WDFY3: variants seen among roughly 807,000 people sequenced by gnomAD.
The protein encoded by WDFY3 is WD repeat and FYVE domain-containing protein 3.
In WDFY3, 66 loss-of-function variants were observed where a neutral mutation model predicts 409.6. That is an observed-to-expected ratio of 0.16 (90% confidence interval 0.13 to 0.20). The LOEUF (loss-of-function observed/expected upper bound fraction) is 0.20, where lower values mean the gene tolerates loss of function less well. WDFY3 is among the 10% of genes least tolerant of loss of function. WDFY3 has a pLI of 1.00. For synonymous variants in WDFY3, 1,521 were observed against 1,537.1 expected (o/e 0.99, Z 0.25); for missense variants, 3,031 against 4,298.1 (o/e 0.71, Z 8.24).
chr4:84,719,263 C>T (rs1270344755), intron 47 of WDFY3, among the ~76,000 whole-genome samples: 6 of 152,182 alleles, frequency 3.9e-5, no homozygotes, highest in African/African-American at 1.4e-4. Flanking sequence ...CTGGAGACTA[C>T]TGTACTATTG....
intron 4 of WDFY3, 131 bp from the exon 5 acceptor site, chr4:84,850,156 AAT>A: frequency 1.1e-6 from 1 of 906,432 alleles, no homozygotes; most frequent in East Asian, 2.8e-5. Flanking sequence ...TTTGAATCTT[AAT>A]ATGTTGAAAA....
At chr4:84,944,399 G>A (rs367772030) in intron 1 of WDFY3, among the ~76,000 whole-genome samples, 1 of 152,268 alleles carries the variant, frequency 6.6e-6, no homozygotes, top group Admixed American at 6.5e-5. Flanking sequence ...GGGCATGGTG[G>A]CGCACACCTG....
At chr4:84,956,100 T>G (rs1026216161) in intron 1 of WDFY3, among the ~76,000 whole-genome samples, 2 of 152,202 alleles carry the variant, frequency 1.3e-5, no homozygotes, top group African/African-American at 4.8e-5. Context: ...GTTGGCCTCC[T>G]TTAAGTCTAT....
chr4:84,960,385 G>A lies in WDFY3; in HGVS notation c.-226+5824C>T, dbSNP rs182073866. On this transcript the variant is annotated intron_variant, in intron 1 of 67. Transcript: ENST00000295888. ...CCTACCTACAGCATCCACACCTCACGTATGTGATACCCTATTCAACAGTCT... is the reference window on the plus strand; with the variant it reads ...CCTACCTACAGCATCCACACCTCACATATGTGATACCCTATTCAACAGTCT... Among the ~76,000 whole-genome samples the A allele has an allele frequency of 3.3e-5, 5 of 152,162 alleles. No homozygotes were observed. In the East Asian group the frequency reaches 5.8e-4, roughly 18 times the overall value.
At chr4:84,717,802 A>G (rs1000518358) in intron 48 of WDFY3, among the ~76,000 whole-genome samples, 1 of 152,082 alleles carries the variant, frequency 6.6e-6, no homozygotes, top group Non-Finnish European at 1.5e-5. Flanking sequence ...TAATCCCAAC[A>G]CTTTGGGAGG....
Position 84,829,237 on chromosome 4 carries a change from G to A in WDFY3, c.770-47C>T, listed in dbSNP as rs372930926. The A allele has an allele frequency of 2.7e-4, 382 of 1,429,072 alleles. 1 individual carries two copies. Among genetic ancestry groups the A allele is most frequent in the Non-Finnish European group, 3.0e-4 (320 of 1,075,568 alleles). The allele number at this position is 1,429,072 out of a possible 1,614,324, so 88.5% of individuals were successfully genotyped here. A position where few individuals can be genotyped will look rare whatever the true frequency, so the allele number is the denominator to read the frequency against. On this transcript the variant is annotated intron_variant, in intron 8 of 67. Coordinates refer to ENST00000295888, the MANE Select transcript of WDFY3 (RefSeq NM_014991.6). ...TAAATATGCATTATTCCTGACAATCGCTTAAAAATTTTTTAATTGTTAACT... is the reference window on the plus strand; with the variant it reads ...TAAATATGCATTATTCCTGACAATCACTTAAAAATTTTTTAATTGTTAACT...
At chr4:84,925,069 T>A (rs1769791937) in intron 2 of WDFY3, among the ~76,000 whole-genome samples, 2 of 152,204 alleles carry the variant, frequency 1.3e-5, no homozygotes, top group African/African-American at 4.8e-5. Flanking sequence ...TTCAGCTACT[T>A]AGCTAGCACA....
intron 52 of WDFY3, 67 bp from the exon 53 acceptor site, chr4:84,709,095 T>G (rs1284103201): frequency 2.5e-6 from 4 of 1,579,636 alleles, no homozygotes; most frequent in Non-Finnish European, 2.6e-6. Flanking sequence ...TTTTAAAATT[T>G]TATATACAAA....
At chr4:84,923,386 C>T (rs1769536015) in intron 2 of WDFY3, among the ~76,000 whole-genome samples, 1 of 152,206 alleles carries the variant, frequency 6.6e-6, no homozygotes, top group South Asian at 2.1e-4. Flanking sequence ...GCCCAAGCCC[C>T]CCCACCTTAT....
intron 3 of WDFY3, among the ~76,000 whole-genome samples, chr4:84,875,265 C>CAT (rs112257480): frequency 1.5e-5 from 1 of 65,326 alleles, no homozygotes; most frequent in Non-Finnish European, 4.0e-5. Context: ...AAGACTCAAA[C>CAT]ACACACACAC....
At chr4:84,883,565 T>C (rs1190668003) in intron 3 of WDFY3, among the ~76,000 whole-genome samples, 1 of 152,196 alleles carries the variant, frequency 6.6e-6, no homozygotes, top group African/African-American at 2.4e-5. Context: ...TAACATTCCA[T>C]AATAAGACCT....
chr4:84,702,998 A>G (rs1731302500), intron 55 of WDFY3, among the ~76,000 whole-genome samples: 1 of 151,806 alleles, frequency 6.6e-6, no homozygotes, highest in South Asian at 2.1e-4. Context: ...TGGGAGGCTG[A>G]GGCAGGAGAA....
At chr4:84,696,231 C>G (rs1367408704) in intron 57 of WDFY3, 49 bp from the exon 58 acceptor site, 1 of 1,571,332 alleles carries the variant, frequency 6.4e-7, no homozygotes, top group African/African-American at 1.4e-5. Flanking sequence ...CTATTACTTG[C>G]TCAGAGACTA....
intron 3 of WDFY3, among the ~76,000 whole-genome samples, chr4:84,896,541 A>G (rs1028556491): frequency 6.6e-6 from 1 of 152,188 alleles, no homozygotes; most frequent in Non-Finnish European, 1.5e-5. Flanking sequence ...CATGGGGTTT[A>G]AAAGACCATA....
Position 84,757,025 on chromosome 4 carries a change from G to C in WDFY3, c.5325C>G (p.Leu1775=). 6.2e-7 allele frequency: 1 copy of C among 1,614,062 alleles called. No individual in the cohort carries two copies. Among genetic ancestry groups the C allele is most frequent in the South Asian group, 1.1e-5 (1 of 91,074 alleles). The change falls in exon 33 of 68, where the codon CTC becomes CTG. Residue 1775 remains leucine, a synonymous_variant. Transcript: ENST00000295888. The stretch of plus-strand genomic sequence containing the variant: ...GCTGCTGCAGAAACAAGGCCATGAG[G>C]AGAAAATAGAGGGCAGGGACATTAG... ...KHTNVPALYF[L]LMALFLQQPV...
At chr4:84,886,521 T>C (rs1399284475) in intron 3 of WDFY3, 4 of 152,138 alleles carry the variant, frequency 2.6e-5, no homozygotes, top group Non-Finnish European at 5.9e-5. Context: ...AAGTGATTCT[T>C]AGCTATTTAT....
At position 84,787,380 on chromosome 4, in the gene WDFY3, T is replaced by C. The variant is rs988977107; in HGVS notation, c.3901+102A>G. Reference sequence around the variant, plus strand: ...GAAGAAGATTAGAGGAGAAGGCGCTTTTCCTAGATTAACAATATGTATAAC... The same window carrying C: ...GAAGAAGATTAGAGGAGAAGGCGCTCTTCCTAGATTAACAATATGTATAAC... On this transcript the variant is annotated intron_variant, in intron 23 of 67. Coordinates refer to ENST00000295888, the MANE Select transcript of WDFY3 (RefSeq NM_014991.6). The C allele has an allele frequency of 2.5e-6, 3 of 1,178,188 alleles. No homozygotes were observed. The African/African-American group carries it at 4.6e-5, about 18-fold the overall frequency. 73.0% of individuals were successfully genotyped at this position (1,178,188 alleles called of 1,614,324 possible).
chr4:84,766,202 T>C (rs199622469), intron 31 of WDFY3, 50 bp downstream of exon 31: 11 of 1,533,884 alleles, frequency 7.2e-6, no homozygotes, highest in Middle Eastern at 3.8e-4. Flanking sequence ...TAACATGAAT[T>C]AACTAGTAGT....
At chr4:84,744,469 C>T (rs1369440901) in intron 36 of WDFY3, among the ~76,000 whole-genome samples, 1 of 152,050 alleles carries the variant, frequency 6.6e-6, no homozygotes, top group Non-Finnish European at 1.5e-5. Context: ...CGTCAAGTGC[C>T]TACAGTCCCA....
Sources: allele counts gnomAD v4.1 joint callset (sites outside exome capture counted in the v4.1 genomes callset), GRCh38; gene constraint gnomAD v4.1.1; transcripts MANE v1.5; gene names NCBI Gene and HGNC (gene_info 2026-07-23, HGNC 2026-07-21).